The following CCDC6 variants were observed in gnomAD, a reference collection of about 807,000 sequenced individuals.
The protein encoded by CCDC6 is coiled-coil domain-containing protein 6.
A neutral mutation model predicts 56.6 loss-of-function variants in CCDC6; 20 were observed. The observed-to-expected ratio is 0.35, with a 90% CI of 0.25 to 0.51. The LOEUF (loss-of-function observed/expected upper bound fraction) is 0.51, where lower values mean the gene tolerates loss of function less well. Among genes scored for constraint, CCDC6 ranks in the 20% least tolerant of loss-of-function variants. The pLI is 0.95. For missense variants in CCDC6, 367 were observed against 601.1 expected, an observed-to-expected ratio of 0.61 and a Z score of 4.07; for synonymous variants, 241 against 234.4, an observed-to-expected ratio of 1.03 and a Z score of -0.26.
In CCDC6 at chr10:59,812,693, C is replaced by T; in HGVS notation, c.789G>A (p.Arg263=). Reference sequence around the variant, plus strand: ...GCCGTTCCACTTCATTCTTTAAAAACCTGATGTGACGCATCATATTTTCTG... The same window carrying T: ...GCCGTTCCACTTCATTCTTTAAAAATCTGATGTGACGCATCATATTTTCTG... The part of the protein sequence containing the change: ...DSPENMMRHI[R]FLKNEVERLK... The change falls in exon 5 of 9, where the codon AGG becomes AGA. Residue 263 remains arginine (R), a synonymous_variant. Transcript: ENST00000263102. 1 of 1,613,140 alleles carries T rather than the reference C, an allele frequency of 6.2e-7. No individual in the cohort carries two copies. The highest frequency in any genetic ancestry group is 8.5e-7 in the Non-Finnish European group (1 of 1,179,214).
intron 2 of CCDC6, among the ~76,000 whole-genome samples, chr10:59,838,213 C>T (rs2070902312): frequency 7.1e-6 from 1 of 140,332 alleles, no homozygotes; most frequent in African/African-American, 2.9e-5. Flanking sequence ...ATGAAGTCAG[C>T]CTCCATAACA....
chr10:59,823,700 C>A (rs1012748509), intron 3 of CCDC6, among the ~76,000 whole-genome samples: 1 of 152,028 alleles, frequency 6.6e-6, no homozygotes, highest in African/African-American at 2.4e-5. Flanking sequence ...CTTGATAAAT[C>A]ATTTCTTTCT....
At chr10:59,815,406 T>C (rs929647677) in intron 3 of CCDC6, among the ~76,000 whole-genome samples, 1 of 152,164 alleles carries the variant, frequency 6.6e-6, no homozygotes, top group African/African-American at 2.4e-5. Flanking sequence ...GAAAATTCAA[T>C]TAATCAATAT....
Position 59,828,943 on chromosome 10 carries a change from A to G in CCDC6, c.582+3582T>C, listed in dbSNP as rs150429564. Among the ~76,000 whole-genome samples, 59 of 152,370 alleles carry G rather than the reference A, an allele frequency of 3.9e-4. 1 individual carries two copies. The highest frequency in any genetic ancestry group is 1.4e-3 in the African/African-American group (58 of 41,590). ...TTCTAGCTCTACAATTCTGTGAATT[A>G]TAATACTGCAAAACACCAACAGAAC... is the stretch of plus-strand genomic sequence containing the variant. On this transcript the variant is annotated intron_variant, in intron 3 of 8. Coordinates refer to ENST00000263102, the MANE Select transcript of CCDC6 (RefSeq NM_005436.5).
chr10:59,819,416 A>G (rs2070734503), intron 3 of CCDC6, among the ~76,000 whole-genome samples: 1 of 152,212 alleles, frequency 6.6e-6, no homozygotes, highest in Admixed American at 6.5e-5. Flanking sequence ...AGAGCAGAGA[A>G]GTTAGAGGAA....
At position 59,792,953 on chromosome 10, in the gene CCDC6, A is replaced by T; in HGVS notation, c.1389T>A (p.Pro463=). 1.9e-6 allele frequency: 3 copies of T among 1,611,854 alleles called. No homozygotes were observed. Among genetic ancestry groups the T allele is most frequent in the Non-Finnish European group, 2.5e-6 (3 of 1,178,918 alleles). The change falls in exon 9 of 9, where the codon CCT becomes CCA. Residue 463 remains proline, a synonymous_variant. Coordinates refer to ENST00000263102, the MANE Select transcript of CCDC6 (RefSeq NM_005436.5). ...AGGAGGGGTGCGCCGAATGTTGCGA[A>T]GGAGTAGGCTGCGAGGTGGCTGCTG... is the stretch of plus-strand genomic sequence containing the variant. ...VPSAATSQPT[P]SQHSAHPSSQ...
chr10:59,887,811 CT>C (rs955371146), intron 1 of CCDC6, among the ~76,000 whole-genome samples: 1 of 151,958 alleles, frequency 6.6e-6, no homozygotes, highest in African/African-American at 2.4e-5. Context: ...CTATCAGACC[CT>C]TTTTTTAACC....
At chr10:59,892,460 A>T (rs2071429331) in intron 1 of CCDC6, among the ~76,000 whole-genome samples, 1 of 152,120 alleles carries the variant, frequency 6.6e-6, no homozygotes, top group Non-Finnish European at 1.5e-5. Context: ...GGGTCGTTAG[A>T]AGCCAGGTTG....
intron 3 of CCDC6, among the ~76,000 whole-genome samples, chr10:59,822,712 C>T (rs931569091): frequency 3.9e-5 from 6 of 152,100 alleles, no homozygotes; most frequent in Admixed American, 3.9e-4. Flanking sequence ...CTGGGCAACA[C>T]AGTGACAGGG....
intron 2 of CCDC6, among the ~76,000 whole-genome samples, chr10:59,844,733 C>A (rs918601206): frequency 3.1e-5 from 4 of 129,682 alleles, no homozygotes; most frequent in South Asian, 2.5e-4. Context: ...GCCTGGGCAA[C>A]AGAGACTATC....
chr10:59,891,213 T>C (rs2132682383), intron 1 of CCDC6, among the ~76,000 whole-genome samples: 1 of 152,352 alleles, frequency 6.6e-6, no homozygotes, highest in South Asian at 2.1e-4. Context: ...CCTGCATTTT[T>C]ACTTGCTAAC....
intron 7 of CCDC6, among the ~76,000 whole-genome samples, chr10:59,798,991 C>CAAAA (rs34505959): frequency 1.3e-5 from 1 of 76,970 alleles, no homozygotes; most frequent in African/African-American, 4.4e-5. Context: ...AAGACTGTTT[C>CAAAA]AAAAAAAAAA....
At chr10:59,832,414 G>C in intron 3 of CCDC6, 111 bp downstream of exon 3, 1 of 976,278 alleles carries the variant, frequency 1.0e-6, no homozygotes, top group Non-Finnish European at 1.5e-6. Context: ...ACAGTGGGGA[G>C]AGAAAGCTGA....
At chr10:59,853,673 A>C (rs1309903790) in intron 1 of CCDC6, among the ~76,000 whole-genome samples, 1 of 152,154 alleles carries the variant, frequency 6.6e-6, no homozygotes, top group African/African-American at 2.4e-5. Flanking sequence ...GTGGAAATCT[A>C]GGGGTGAAGG....
intron 3 of CCDC6, among the ~76,000 whole-genome samples, chr10:59,827,429 C>T (rs1456280561): frequency 6.6e-6 from 1 of 152,030 alleles, no homozygotes; most frequent in Non-Finnish European, 1.5e-5. Context: ...TTGAATAATC[C>T]TGCATCAGAA....
intron 6 of CCDC6, chr10:59,805,130 C>A: frequency 6.5e-6 from 1 of 152,934 alleles, no homozygotes; most frequent in Non-Finnish European, 1.5e-5. Context: ...CACATCAGAC[C>A]TGAAAATGCT....
chr10:59,882,543 G>GGGGAGAAGGAAAGGAAAGC (rs2071350412), intron 1 of CCDC6, among the ~76,000 whole-genome samples: 1 of 50,270 alleles, frequency 2.0e-5, no homozygotes, highest in African/African-American at 7.5e-5. Flanking sequence ...AAGGAAAGCC[G>GGGGAGAAGGAAAGGAAAGC]CGGGGAGAAG....
chr10:59,834,631 CTAAA>C (rs2070865538), intron 2 of CCDC6, among the ~76,000 whole-genome samples: 2 of 151,632 alleles, frequency 1.3e-5, no homozygotes, highest in South Asian at 4.2e-4. Flanking sequence ...GAAATATTGA[CTAAA>C]TAGATGCTGT....
At position 59,790,911 on chromosome 10, in the gene CCDC6, C is replaced by T. The variant is rs1470289937; in HGVS notation, c.*2006G>A. The T allele has an allele frequency of 4.9e-6, 1 of 205,456 alleles. No individual in the cohort carries two copies. The highest frequency in any genetic ancestry group is 1.0e-5 in the Non-Finnish European group (1 of 100,336). The allele number at this position is 205,456 out of a possible 1,614,324, so 12.7% of individuals were successfully genotyped here. A position where few individuals can be genotyped will look rare whatever the true frequency, so the allele number is the denominator to read the frequency against. ...TGGACTTTCTTGTTTGGGTGCAAGA[C>T]ACTATCCACAGCATTGAAATCTATA... On this transcript the variant is annotated 3_prime_UTR_variant, in exon 9 of 9. Transcript: ENST00000263102.
Sources: gnomAD v4.1 joint callset for allele counts (sites outside exome capture counted in the v4.1 genomes callset) on GRCh38, gnomAD v4.1.1 for gene constraint, MANE v1.5 for transcripts, NCBI Gene and HGNC (gene_info 2026-07-23, HGNC 2026-07-21) for gene names.